The following SLC47A1 variants were observed in gnomAD, a reference collection of about 807,000 sequenced individuals.
SLC47A1 encodes multidrug and toxin extrusion protein 1.
A neutral mutation model predicts 65.8 loss-of-function variants in SLC47A1; 58 were observed. That is an observed-to-expected ratio of 0.88 (90% CI 0.71 to 1.10). The LOEUF (loss-of-function observed/expected upper bound fraction) is 1.10. Ranked by LOEUF, SLC47A1 falls within the 50% of genes least tolerant of loss-of-function variation. The pLI, the probability that SLC47A1 is intolerant of heterozygous loss-of-function variation, is 0.00. For missense variants in SLC47A1, 706 were observed against 719.2 expected (o/e 0.98, Z 0.21); for synonymous variants, 285 against 295.0 (o/e 0.97, Z 0.35).
At chr17:19,563,421 C>G (rs1427067325) in intron 12 of SLC47A1, among the ~76,000 whole-genome samples, 6 of 151,858 alleles carry the variant, frequency 4.0e-5, no homozygotes, top group Admixed American at 2.6e-4. Flanking sequence ...CATAAGCCAC[C>G]ACGCCCGGCC....
chr17:19,545,843 G>C lies in SLC47A1; in HGVS notation c.238-592G>C, dbSNP rs117267244. Among the ~76,000 whole-genome samples, 1,042 of 152,206 alleles carry C rather than the reference G, an allele frequency of 6.8e-3. 37 individuals are homozygous for C. In the East Asian group the frequency reaches 0.085, roughly 12 times the overall value. On this transcript the variant is annotated intron_variant, in intron 2 of 16. Coordinates refer to ENST00000270570, the MANE Select transcript of SLC47A1 (RefSeq NM_018242.3). ...TGTAACACCAGAAATCCCATCTGTA[G>C]GAACAGTGGGGATGTACATGGCCAG...
Position 19,567,120 on chromosome 17 carries a change from G to A in SLC47A1, c.1201G>A (p.Gly401Arg). Reference protein sequence around the residue: ...LACTSGGVLRGSGNQKVGAIV... With the variant: ...LACTSGGVLRRSGNQKVGAIV... ...GTGCACGAGTGGTGGTGTTCTGAGG[G>A]GGAGTGGAAATCAGAAGGTTGGAGC... Residue 401 changes from glycine (G) to arginine (R), a missense_variant, in exon 14 of 17, where the codon GGG (glycine) becomes AGG (arginine). Physicochemically the swap from Gly to Arg is moderately radical, Grantham distance 125 (BLOSUM62 -2). Coordinates refer to ENST00000270570, the MANE Select transcript of SLC47A1 (RefSeq NM_018242.3). 1.9e-6 allele frequency: 3 copies of A among 1,614,182 alleles called. No individual in the cohort carries two copies. The highest frequency in any genetic ancestry group is 2.5e-6 in the Non-Finnish European group (3 of 1,180,030).
At chr17:19,566,887 C>T in intron 13 of SLC47A1, 28 bp downstream of exon 13, 1 of 1,611,562 alleles carries the variant, frequency 6.2e-7, no homozygotes, top group South Asian at 1.1e-5. Flanking sequence ...GTCCCCTAAG[C>T]ACTGTTATGA....
chr17:19,563,128 C>CT (rs572651224), intron 12 of SLC47A1, among the ~76,000 whole-genome samples: 4,758 of 82,546 alleles, frequency 0.058, 334 homozygotes, highest in East Asian at 0.16. Flanking sequence ...TAAGAGAAAG[C>CT]TTTTTTTTTT....
chr17:19,577,125 C>A (rs2084446817), intron 16 of SLC47A1, among the ~76,000 whole-genome samples: 1 of 152,060 alleles, frequency 6.6e-6, no homozygotes, highest in African/African-American at 2.4e-5. Context: ...CCCAAGCCAG[C>A]GCTGGTAGGA....
chr17:19,555,616 T>C lies in SLC47A1; in HGVS notation c.665T>C (p.Ile222Thr), dbSNP rs371126963. Residue 222 changes from isoleucine to threonine, a missense_variant, in exon 8 of 17, where the codon ATT becomes ACT. By Grantham distance (89) the Ile-to-Thr change is moderately conservative (BLOSUM62 -1). Transcript: ENST00000270570. The part of the protein sequence containing the change: ...GVIGSALANL[I>T]SQYTLALLLF... Reference sequence around the variant, plus strand: ...AGAGGCTCTGCACTGGCAAACTTGATTTCCCAGTACACCCTGGCTCTACTC... The same window carrying C: ...AGAGGCTCTGCACTGGCAAACTTGACTTCCCAGTACACCCTGGCTCTACTC... 99 of 1,614,214 alleles carry C rather than the reference T, an allele frequency of 6.1e-5. No homozygotes were observed. Among genetic ancestry groups the C allele is most frequent in the Admixed American group, 1.0e-4 (6 of 60,028 alleles).
At chr17:19,542,615 T>A in intron 2 of SLC47A1, 121 bp downstream of exon 2, 1 of 734,626 alleles carries the variant, frequency 1.4e-6, no homozygotes. Flanking sequence ...CTTACAGTGC[T>A]GGAGTGCAGA....
chr17:19,577,861 C>A lies in SLC47A1; in HGVS notation c.*308C>A. 2 of 1,259,888 alleles carry A rather than the reference C, an allele frequency of 1.6e-6. No homozygotes were observed. Among genetic ancestry groups the A allele is most frequent in the Non-Finnish European group, 2.0e-6 (2 of 990,190 alleles). The allele number at this position is 1,259,888 out of a possible 1,614,324, so 78.0% of individuals were successfully genotyped here. A position where few individuals can be genotyped will look rare whatever the true frequency, so the allele number is the denominator to read the frequency against. The stretch of plus-strand genomic sequence containing the variant: ...GATACTTCTGCTATTTTTTTAGACA[C>A]AAACCCATAAACTAACTGCTTAAGA... On this transcript the variant is annotated 3_prime_UTR_variant, in exon 17 of 17. Coordinates refer to ENST00000270570, the MANE Select transcript of SLC47A1 (RefSeq NM_018242.3).
chr17:19,572,792 G>A lies in SLC47A1; in HGVS notation c.1417G>A (p.Ala473Thr), dbSNP rs141945405. Residue 473 changes from alanine to threonine, a missense_variant, in exon 16 of 17, where the codon GCC becomes ACC. By Grantham distance (58) the Ala-to-Thr change is moderately conservative. Coordinates refer to ENST00000270570, the MANE Select transcript of SLC47A1 (RefSeq NM_018242.3). Reference sequence around the variant, plus strand: ...TTTCATTTTCCAGGCTCAGGTACACGCCAATTTGAAAGTAAACAACGTGCC... The same window carrying A: ...TTTCATTTTCCAGGCTCAGGTACACACCAATTTGAAAGTAAACAACGTGCC... ...KKACQQAQVH[A>T]NLKVNNVPRS... The A allele has an allele frequency of 1.2e-5, 19 of 1,613,916 alleles. No homozygotes were observed. The highest frequency in any genetic ancestry group is 9.3e-5 in the African/African-American group (7 of 74,868).
intron 12 of SLC47A1, among the ~76,000 whole-genome samples, chr17:19,561,021 T>C (rs746262650): frequency 2.7e-5 from 4 of 150,532 alleles, no homozygotes; most frequent in African/African-American, 4.9e-5. Flanking sequence ...CTTTGGTATG[T>C]CAAGGCTGGC....
In SLC47A1 at chr17:19,560,468, G is replaced by A. The variant is rs766863228; in HGVS notation, c.1081G>A (p.Val361Met). ...SVLLLSCKDHVGYIFTTDRDI... is the reference protein window; with the variant it reads ...SVLLLSCKDHMGYIFTTDRDI... ...CCTGCTGTTAAGCTGTAAGGATCAC[G>A]TGGGGTACATTTTTACTACCGACCG... The change falls in exon 12 of 17, where the codon GTG becomes ATG. Residue 361 changes from valine to methionine, a missense_variant. Transcript: ENST00000270570. The A allele has an allele frequency of 1.7e-5, 27 of 1,614,060 alleles. No homozygotes were observed. The highest frequency in any genetic ancestry group is 8.9e-5 in the East Asian group (4 of 44,902).
At position 19,560,445 on chromosome 17, in the gene SLC47A1, T is replaced by G. The variant is rs945352390; in HGVS notation, c.1058T>G (p.Leu353Arg). 8.7e-6 allele frequency: 14 copies of G among 1,614,120 alleles called. No individual in the cohort carries two copies. Among genetic ancestry groups the G allele is most frequent in the Non-Finnish European group, 1.2e-5 (14 of 1,180,060 alleles). ...CTCTTTGCTGTAGCCTTCAGTGTCC[T>G]GCTGTTAAGCTGTAAGGATCACGTG... ...TVLFAVAFSVLLLSCKDHVGY... is the reference protein window; with the variant it reads ...TVLFAVAFSVRLLSCKDHVGY... The change falls in exon 12 of 17, where the codon CTG becomes CGG. Residue 353 changes from leucine (L) to arginine (R), a missense_variant. Transcript: ENST00000270570.
intron 14 of SLC47A1, among the ~76,000 whole-genome samples, chr17:19,570,632 TA>T (rs1320884463): frequency 6.6e-6 from 1 of 152,218 alleles, no homozygotes; most frequent in Non-Finnish European, 1.5e-5. Flanking sequence ...CCTGGATTGT[TA>T]CCAAAGGCAG....
intron 6 of SLC47A1, among the ~76,000 whole-genome samples, chr17:19,552,721 G>T (rs1240148276): frequency 2.6e-5 from 4 of 152,100 alleles, no homozygotes; most frequent in African/African-American, 9.7e-5. Flanking sequence ...AGTTTCCAAG[G>T]TTGGGAAGGA....
At chr17:19,546,579 C>A in intron 3 of SLC47A1, 76 bp downstream of exon 3, 1 of 1,416,756 alleles carries the variant, frequency 7.1e-7, no homozygotes, top group Non-Finnish European at 9.8e-7. Context: ...GCTCCACTGG[C>A]AGGAAGAGTT....
chr17:19,551,290 A>C lies in SLC47A1; in HGVS notation c.499-134A>C, dbSNP rs368661527. 7.9e-3 allele frequency: 6,436 copies of C among 811,492 alleles called. 215 individuals carry two copies. The East Asian group carries it at 0.084, about 11-fold the overall frequency. The allele number at this position is 811,492 out of a possible 1,614,324, so 50.3% of individuals were successfully genotyped here. On this transcript the variant is annotated intron_variant, in intron 5 of 16. Coordinates refer to ENST00000270570, the MANE Select transcript of SLC47A1 (RefSeq NM_018242.3). ...CTGGCCCCAGCCCTGTCCTGAGACG[A>C]CAGCCTCTGTGGCTCCGTGCGGGAG...
intron 12 of SLC47A1, among the ~76,000 whole-genome samples, chr17:19,562,717 C>A (rs2084322927): frequency 6.6e-6 from 1 of 152,128 alleles, no homozygotes; most frequent in South Asian, 2.1e-4. Flanking sequence ...AGAAGCTGGA[C>A]TCTGAATCTG....
intron 12 of SLC47A1, among the ~76,000 whole-genome samples, chr17:19,560,748 A>G (rs910070209): frequency 1.3e-5 from 2 of 151,726 alleles, no homozygotes; most frequent in African/African-American, 4.8e-5. Context: ...GTGTGGTGGC[A>G]GACACCTGTA....
chr17:19,570,436 G>T (rs1436559710), intron 14 of SLC47A1, among the ~76,000 whole-genome samples: 1 of 152,208 alleles, frequency 6.6e-6, no homozygotes, highest in African/African-American at 2.4e-5. Flanking sequence ...GGAGATTGTT[G>T]ATCTGGGGGA....
Sources: allele counts gnomAD v4.1 joint callset (sites outside exome capture counted in the v4.1 genomes callset), GRCh38; gene constraint gnomAD v4.1.1; transcripts MANE v1.5; gene names NCBI Gene and HGNC (gene_info 2026-07-23, HGNC 2026-07-21).